Variants in STAG1 observed in about 807,000 individuals in gnomAD.
STAG1 encodes the protein cohesin subunit SA-1.
STAG1 carries 26 observed loss-of-function variants against 170.9 expected under a neutral mutation model. The observed-to-expected ratio is 0.15, with a 90% CI of 0.11 to 0.21. STAG1 has a LOEUF of 0.21. STAG1 is among the 10% of genes least tolerant of loss of function. STAG1 has a pLI of 1.00. For missense variants in STAG1, 964 were observed against 1,509.5 expected (o/e 0.64, Z 5.99); for synonymous variants, 514 against 497.7 (o/e 1.03, Z -0.44).
At chr3:136,472,822 G>C (rs924838925) in intron 11 of STAG1, among the ~76,000 whole-genome samples, 2 of 152,132 alleles carry the variant, frequency 1.3e-5, no homozygotes, top group African/African-American at 4.8e-5. Context: ...AAGAACTCAT[G>C]GTAATATCTT....
At chr3:136,749,944 A>G (rs1935142907) in intron 1 of STAG1, among the ~76,000 whole-genome samples, 1 of 151,854 alleles carries the variant, frequency 6.6e-6, no homozygotes, top group Admixed American at 6.6e-5. Flanking sequence ...ATACCCCCCT[A>G]AATAAAGATA....
intron 6 of STAG1, among the ~76,000 whole-genome samples, chr3:136,535,018 T>C (rs1205789932): frequency 2.0e-5 from 3 of 152,150 alleles, no homozygotes; most frequent in Non-Finnish European, 4.4e-5. Context: ...AATAGATGAA[T>C]GGATAAAGAA....
intron 1 of STAG1, among the ~76,000 whole-genome samples, chr3:136,667,622 A>G (rs1461937246): frequency 2.6e-5 from 4 of 151,986 alleles, no homozygotes; most frequent in Non-Finnish European, 5.9e-5. Flanking sequence ...GCAGCCTCCC[A>G]GTAGCTGGAG....
chr3:136,734,234 G>A (rs1934211656), intron 1 of STAG1, among the ~76,000 whole-genome samples: 1 of 152,054 alleles, frequency 6.6e-6, no homozygotes, highest in Non-Finnish European at 1.5e-5. Context: ...AATAAGACAG[G>A]AAAAATTGTA....
At chr3:136,575,395 T>C (rs1412191839) in intron 4 of STAG1, among the ~76,000 whole-genome samples, 1 of 152,174 alleles carries the variant, frequency 6.6e-6, no homozygotes. Flanking sequence ...TGGTTAATTT[T>C]TGTATTTTTG....
At chr3:136,736,031 G>T (rs193224126) in intron 1 of STAG1, among the ~76,000 whole-genome samples, 75 of 152,254 alleles carry the variant, frequency 4.9e-4, no homozygotes, top group Non-Finnish European at 3.2e-4. Flanking sequence ...GTTTCATCTG[G>T]GCCTTCAAAG....
chr3:136,673,175 G>A (rs1942030167), intron 1 of STAG1, among the ~76,000 whole-genome samples: 1 of 152,212 alleles, frequency 6.6e-6, no homozygotes, highest in Admixed American at 6.5e-5. Context: ...TAAATTTCTA[G>A]AAGCAGCAAA....
At chr3:136,574,154 T>G (rs938950397) in intron 4 of STAG1, among the ~76,000 whole-genome samples, 2 of 151,938 alleles carry the variant, frequency 1.3e-5, no homozygotes, top group African/African-American at 4.8e-5. Context: ...GGCAGGAGAA[T>G]TGGTTGAACC....
chr3:136,401,162 T>A (rs2087314381), intron 21 of STAG1, among the ~76,000 whole-genome samples: 1 of 152,232 alleles, frequency 6.6e-6, no homozygotes, highest in Non-Finnish European at 1.5e-5. Flanking sequence ...AGTTTTGACT[T>A]CATGGACCTC....
intron 13 of STAG1, among the ~76,000 whole-genome samples, chr3:136,459,231 A>G (rs1344917367): frequency 6.7e-6 from 1 of 148,342 alleles, no homozygotes; most frequent in Non-Finnish European, 1.5e-5. Context: ...AAAAAAAAAA[A>G]AAAAAGAAAA....
intron 1 of STAG1, among the ~76,000 whole-genome samples, chr3:136,722,925 T>G (rs1046484586): frequency 6.6e-6 from 1 of 152,152 alleles, no homozygotes; most frequent in Non-Finnish European, 1.5e-5. Context: ...AGCTCCTAAC[T>G]GTGAGTGATC....
chr3:136,732,265 T>TA (rs940633819), intron 1 of STAG1, among the ~76,000 whole-genome samples: 16 of 150,436 alleles, frequency 1.1e-4, no homozygotes, highest in African/African-American at 3.4e-4. Context: ...AAAAACACCT[T>TA]AGTCACAATT....
chr3:136,518,730 A>C (rs1699190333), intron 7 of STAG1, among the ~76,000 whole-genome samples: 1 of 152,144 alleles, frequency 6.6e-6, no homozygotes, highest in Non-Finnish European at 1.5e-5. Flanking sequence ...TTCCGTATAA[A>C]CGTATGTTGT....
chr3:136,565,795 T>C lies in STAG1; in HGVS notation c.394+2970A>G, dbSNP rs1175847861. 2.6e-5 allele frequency among the ~76,000 whole-genome samples: 4 copies of C among 152,324 alleles called. No individual in the cohort carries two copies. In the South Asian group the frequency reaches 6.2e-4, roughly 24 times the overall value. On this transcript the variant is annotated intron_variant, in intron 5 of 33. Transcript: ENST00000383202. ...AACAACTCAAATGTCCTTCAACAGA[T>C]GAATGGATAAACAAACAGTGATATA...
intron 20 of STAG1, among the ~76,000 whole-genome samples, chr3:136,420,663 G>C (rs368739870): frequency 6.6e-5 from 10 of 152,318 alleles, no homozygotes; most frequent in Admixed American, 2.0e-4. Context: ...TACGATCATG[G>C]GCCAGTGTCA....
At chr3:136,406,873 G>A (rs1024590884) in intron 21 of STAG1, among the ~76,000 whole-genome samples, 6 of 152,156 alleles carry the variant, frequency 3.9e-5, no homozygotes, top group African/African-American at 7.2e-5. Flanking sequence ...GAATGGATAC[G>A]AAGCAGGCTA....
chr3:136,377,122 G>A (rs1459583573), intron 23 of STAG1, among the ~76,000 whole-genome samples: 4 of 148,436 alleles, frequency 2.7e-5, no homozygotes, highest in African/African-American at 9.8e-5. Context: ...CATTTCGGCC[G>A]GGCACGGTGG....
intron 1 of STAG1, among the ~76,000 whole-genome samples, chr3:136,734,507 A>G (rs1046858668): frequency 6.6e-6 from 1 of 152,214 alleles, no homozygotes; most frequent in Non-Finnish European, 1.5e-5. Flanking sequence ...TTAGAAAATA[A>G]AGGGACTCCC....
At chr3:136,715,111 G>A (rs1371794876) in intron 1 of STAG1, among the ~76,000 whole-genome samples, 7 of 145,750 alleles carry the variant, frequency 4.8e-5, no homozygotes, top group African/African-American at 1.3e-4. Flanking sequence ...AAGAGAGTTC[G>A]GTGGTGCTGA....
Sources: gnomAD v4.1 joint callset for allele counts (sites outside exome capture counted in the v4.1 genomes callset) on GRCh38, gnomAD v4.1.1 for gene constraint, MANE v1.5 for transcripts, NCBI Gene and HGNC (gene_info 2026-07-23, HGNC 2026-07-21) for gene names.